Variants in ARHGAP17 observed in about 807,000 individuals in gnomAD.
The protein encoded by ARHGAP17 is Rho GTPase activating protein 17, also known as rho GTPase-activating protein 17.
ARHGAP17 carries 57 observed loss-of-function variants against 99.5 expected under a neutral mutation model. That is an observed-to-expected ratio of 0.57 (90% CI 0.46 to 0.71). The LOEUF is 0.71. ARHGAP17 is among the 30% of genes least tolerant of loss of function. The pLI is 0.00. For missense variants in ARHGAP17, 1,000 were observed against 1,122.4 expected (o/e 0.89, Z 1.56); for synonymous variants, 417 against 429.6 (o/e 0.97, Z 0.36).
At chr16:24,996,919 A>AC (rs2053209645) in intron 1 of ARHGAP17, among the ~76,000 whole-genome samples, 11 of 151,974 alleles carry the variant, frequency 7.2e-5, no homozygotes, top group Admixed American at 7.2e-4. Flanking sequence ...CAACCAAAAA[A>AC]AAAAAAATGG....
At chr16:24,989,222 C>T (rs1364367247) in intron 1 of ARHGAP17, among the ~76,000 whole-genome samples, 1 of 152,170 alleles carries the variant, frequency 6.6e-6, no homozygotes, top group Non-Finnish European at 1.5e-5. Flanking sequence ...AGGTGCACAG[C>T]GTCTGAAGAC....
intron 1 of ARHGAP17, among the ~76,000 whole-genome samples, chr16:25,009,358 C>T (rs1333042152): frequency 1.7e-5 from 2 of 120,628 alleles, no homozygotes; most frequent in African/African-American, 8.3e-5. Context: ...CAGAGCGAGA[C>T]TCCGTCAAAA....
At chr16:24,965,137 C>T (rs970014550) in intron 6 of ARHGAP17, among the ~76,000 whole-genome samples, 5 of 152,024 alleles carry the variant, frequency 3.3e-5, no homozygotes, top group African/African-American at 1.2e-4. Context: ...AAAACTCTAT[C>T]ACTTTAAATG....
chr16:24,998,699 T>C (rs567712818), intron 1 of ARHGAP17, among the ~76,000 whole-genome samples: 2 of 152,306 alleles, frequency 1.3e-5, no homozygotes, highest in African/African-American at 4.8e-5. Context: ...AGCCCCACAC[T>C]GCACGACTGC....
intron 1 of ARHGAP17, chr16:25,014,099 G>T (rs2053715971): frequency 6.6e-6 from 1 of 152,164 alleles, no homozygotes; most frequent in African/African-American, 2.4e-5. Flanking sequence ...TGGAGGAAAT[G>T]AAACAGTAAA....
intron 1 of ARHGAP17, among the ~76,000 whole-genome samples, chr16:24,991,013 C>T (rs774987082): frequency 3.9e-5 from 6 of 152,068 alleles, no homozygotes; most frequent in South Asian, 2.1e-4. Flanking sequence ...CTTTACGCTG[C>T]GGCCTTCACA....
intron 1 of ARHGAP17, among the ~76,000 whole-genome samples, chr16:24,982,818 T>C (rs1378997274): frequency 7.1e-6 from 1 of 141,026 alleles, no homozygotes; most frequent in Non-Finnish European, 1.5e-5. Context: ...GTGCTGGTTT[T>C]TTCTGAGAAG....
intron 10 of ARHGAP17, among the ~76,000 whole-genome samples, chr16:24,954,093 CCCTGCATGCTGACTT>C (rs1458144458): frequency 5.9e-5 from 9 of 151,722 alleles, no homozygotes; most frequent in African/African-American, 2.2e-4. Context: ...GGAGTAAACT[CCCTGCATGCTGACTT>C]CCTTATTTAT....
chr16:24,951,635 T>C (rs1344809589), intron 12 of ARHGAP17, among the ~76,000 whole-genome samples: 2 of 152,176 alleles, frequency 1.3e-5, no homozygotes, highest in African/African-American at 4.8e-5. Context: ...TGAAGACCTT[T>C]AAGATGATCC....
chr16:24,963,992 T>A (rs1347371552), intron 7 of ARHGAP17, among the ~76,000 whole-genome samples: 1 of 152,306 alleles, frequency 6.6e-6, no homozygotes, highest in East Asian at 1.9e-4. Context: ...GTCAAGTTTT[T>A]AAAAATATCC....
intron 12 of ARHGAP17, among the ~76,000 whole-genome samples, chr16:24,949,988 T>C (rs550933538): frequency 2.6e-4 from 40 of 152,214 alleles, no homozygotes; most frequent in African/African-American, 9.6e-4. Context: ...GTAAGAGCTC[T>C]TGCACTCCAC....
chr16:24,984,404 C>T (rs982279159), intron 1 of ARHGAP17, among the ~76,000 whole-genome samples: 1 of 152,146 alleles, frequency 6.6e-6, no homozygotes, highest in South Asian at 2.1e-4. Context: ...CAGTGGCTCA[C>T]GCCTGTAATC....
Position 25,015,122 on chromosome 16 carries a change from G to A in ARHGAP17, c.53+87C>T, listed in dbSNP as rs1249577521. The stretch of plus-strand genomic sequence containing the variant: ...GGCTGCGGCCCAGCTCAGAGCCGCC[G>A]GACCGCGGAGGAGCCGTCCCGCCCC... On this transcript the variant is annotated intron_variant, in intron 1 of 19. Transcript: ENST00000289968. 1.4e-5 allele frequency: 16 copies of A among 1,165,026 alleles called. No individual in the cohort carries two copies. The Admixed American group carries it at 5.0e-4, about 37-fold the overall frequency. 72.2% of individuals were successfully genotyped at this position (1,165,026 alleles called of 1,614,324 possible).
chr16:24,995,016 G>A (rs570812587), intron 1 of ARHGAP17, among the ~76,000 whole-genome samples: 79 of 152,262 alleles, frequency 5.2e-4, no homozygotes, highest in South Asian at 1.2e-3. Flanking sequence ...AAGCAAACAC[G>A]TCCTTCTTCA....
At chr16:24,941,751 C>T in intron 16 of ARHGAP17, 1 of 542,886 alleles carries the variant, frequency 1.8e-6, no homozygotes, top group South Asian at 2.1e-5. Flanking sequence ...AAGCACACCA[C>T]CAAGTTAAGC....
chr16:24,987,748 TC>T (rs1343051565), intron 1 of ARHGAP17, among the ~76,000 whole-genome samples: 4 of 152,176 alleles, frequency 2.6e-5, no homozygotes, highest in African/African-American at 9.7e-5. Flanking sequence ...AGATCACTGT[TC>T]TGCTGGCTTT....
chr16:24,960,039 T>G, intron 7 of ARHGAP17, 60 bp from the exon 8 acceptor site: 1 of 1,516,650 alleles, frequency 6.6e-7, no homozygotes, highest in South Asian at 1.1e-5. Flanking sequence ...AAATGGCATC[T>G]GAGAACAATC....
At chr16:24,971,619 C>T (rs1455230665) in intron 3 of ARHGAP17, among the ~76,000 whole-genome samples, 1 of 152,184 alleles carries the variant, frequency 6.6e-6, no homozygotes, top group African/African-American at 2.4e-5. Context: ...TGAGCCACCG[C>T]ACCCAGTCTA....
chr16:24,995,933 G>A lies in ARHGAP17; in HGVS notation c.54-16928C>T, dbSNP rs74648496. ...AAGAGACCAAGGGCTTTGCTATGTG[G>A]TCCAGGTTCACTTCAAACTCTTGGG... On this transcript the variant is annotated intron_variant, in intron 1 of 19. Transcript: ENST00000289968. 6.2e-3 allele frequency among the ~76,000 whole-genome samples: 946 copies of A among 152,058 alleles called. 11 individuals carry two copies. The highest frequency in any genetic ancestry group is 0.021 in the African/African-American group (887 of 41,456).
Sources: allele counts gnomAD v4.1 joint callset (sites outside exome capture counted in the v4.1 genomes callset), GRCh38; gene constraint gnomAD v4.1.1; transcripts MANE v1.5; gene names NCBI Gene and HGNC (gene_info 2026-07-23, HGNC 2026-07-21).